Variants in SLC17A3 observed in about 807,000 individuals in gnomAD.
The protein encoded by SLC17A3 is solute carrier family 17 member 3.
Under a neutral mutation model 60.3 loss-of-function variants are expected in SLC17A3, and 61 were observed. The observed-to-expected ratio is 1.01, with a 90% CI of 0.82 to 1.25. SLC17A3 has a LOEUF of 1.25. Ranked by LOEUF, SLC17A3 falls within the 50% of genes most tolerant of loss-of-function variation. The probability of loss-of-function intolerance (pLI) is 0.00; values close to 1 mark genes in which losing one functional copy is unlikely to be tolerated. For synonymous variants in SLC17A3, 192 were observed against 208.9 expected (o/e 0.92, Z 0.70); for missense variants, 624 against 594.9 (o/e 1.05, Z -0.51).
At chr6:25,851,241 AT>A (rs35205418) in intron 6 of SLC17A3, among the ~76,000 whole-genome samples, 25,644 of 139,446 alleles carry the variant, frequency 0.18, 2,278 homozygotes, top group African/African-American at 0.24. Flanking sequence ...TCTTTGCCCA[AT>A]TTTTTTTTTT....
At chr6:25,870,153 C>T (rs62394296) in intron 1 of SLC17A3, among the ~76,000 whole-genome samples, 13,560 of 151,900 alleles carry the variant, frequency 0.089, 769 homozygotes, top group Non-Finnish European at 0.12. Flanking sequence ...ATACCTGGAT[C>T]GTATGATAAG....
intron 1 of SLC17A3, among the ~76,000 whole-genome samples, chr6:25,870,723 C>T (rs1164848700): frequency 1.3e-5 from 2 of 152,020 alleles, no homozygotes; most frequent in African/African-American, 4.8e-5. Context: ...GCCCCTACAA[C>T]ATGGACTCAT....
intron 5 of SLC17A3, among the ~76,000 whole-genome samples, chr6:25,857,882 C>G (rs1026482458): frequency 1.3e-5 from 2 of 152,142 alleles, no homozygotes; most frequent in Non-Finnish European, 2.9e-5. Context: ...CCTTCTTGTC[C>G]TCTGGACCCC....
chr6:25,869,822 T>C (rs988585533), intron 1 of SLC17A3, among the ~76,000 whole-genome samples: 11 of 152,040 alleles, frequency 7.2e-5, no homozygotes, highest in Non-Finnish European at 1.2e-4. Flanking sequence ...AGATGAGATC[T>C]GGGTGGGGAC....
intron 11 of SLC17A3, among the ~76,000 whole-genome samples, chr6:25,846,451 A>T (rs1416581794): frequency 6.6e-6 from 1 of 152,246 alleles, no homozygotes; most frequent in African/African-American, 2.4e-5. Context: ...GATGGATGAA[A>T]TAAGCTAGGG....
intron 10 of SLC17A3, 75 bp downstream of exon 10, chr6:25,849,730 T>C (rs1271900721): frequency 2.3e-5 from 35 of 1,528,036 alleles, no homozygotes; most frequent in Non-Finnish European, 2.8e-5. Context: ...TTTCCTAAGT[T>C]TGGGGATCCC....
At chr6:25,845,632 C>T (rs1765162742) in intron 11 of SLC17A3, 116 bp from the exon 12 acceptor site, 20 of 1,201,130 alleles carry the variant, frequency 1.7e-5, no homozygotes, top group East Asian at 2.5e-5. Flanking sequence ...AAATTCATTT[C>T]CTGAAAGTGG....
Position 25,873,386 on chromosome 6 carries a change from T to C in SLC17A3, c.-34+781A>G, listed in dbSNP as rs754389305. 5.9e-5 allele frequency among the ~76,000 whole-genome samples: 9 copies of C among 152,122 alleles called. No individual in the cohort carries two copies. In the East Asian group the frequency reaches 1.2e-3, roughly 20 times the overall value. ...AAAGCAGTGTTCATAGAGAACCACA[T>C]TGAGGATCAGCTTTCAGTAGAGATG... is the stretch of plus-strand genomic sequence containing the variant. On this transcript the variant is annotated intron_variant, in intron 1 of 12. Coordinates refer to ENST00000397060, the MANE Select transcript of SLC17A3 (RefSeq NM_001098486.2).
chr6:25,857,740 A>C (rs1765382608), intron 5 of SLC17A3, among the ~76,000 whole-genome samples: 1 of 152,158 alleles, frequency 6.6e-6, no homozygotes, highest in South Asian at 2.1e-4. Context: ...CCACAGATAC[A>C]TGGAGATGGA....
At chr6:25,867,039 G>C (rs1428250974) in intron 2 of SLC17A3, among the ~76,000 whole-genome samples, 2 of 151,850 alleles carry the variant, frequency 1.3e-5, no homozygotes, top group Non-Finnish European at 2.9e-5. Flanking sequence ...CCAAACTCTT[G>C]AGCCCTACCA....
At chr6:25,867,211 A>G (rs748618487) in intron 2 of SLC17A3, among the ~76,000 whole-genome samples, 1 of 151,974 alleles carries the variant, frequency 6.6e-6, no homozygotes, top group African/African-American at 2.4e-5. Context: ...TTTTTTGGCT[A>G]AGAGCTAATT....
At chr6:25,861,115 G>T (rs1179522049) in intron 5 of SLC17A3, among the ~76,000 whole-genome samples, 2 of 152,098 alleles carry the variant, frequency 1.3e-5, no homozygotes, top group Non-Finnish European at 2.9e-5. Flanking sequence ...GTATAACTTA[G>T]ACTTCTTCCT....
intron 6 of SLC17A3, among the ~76,000 whole-genome samples, chr6:25,851,916 A>T (rs1459969876): frequency 6.6e-6 from 1 of 152,134 alleles, no homozygotes; most frequent in Non-Finnish European, 1.5e-5. Flanking sequence ...TTCAGTGCAC[A>T]GCCCTCACAT....
At position 25,850,115 on chromosome 6, in the gene SLC17A3, A is replaced by G. The variant is rs1387219744; in HGVS notation, c.1056T>C (p.Tyr352=). Residue 352 remains tyrosine (Y), a synonymous_variant, in exon 9 of 13, where the codon TAT becomes TAC. Coordinates refer to ENST00000397060, the MANE Select transcript of SLC17A3 (RefSeq NM_001098486.2). ...TTTTGGTTAGAAGGAAATCTGCCAGATAGCCTCCCACCATGCCTATGACCC... is the reference window on the plus strand; with the variant it reads ...TTTTGGTTAGAAGGAAATCTGCCAGGTAGCCTCCCACCATGCCTATGACCC... The part of the protein sequence containing the change: ...VAWVIGMVGG[Y]LADFLLTKKF... 6.2e-7 allele frequency: 1 copy of G among 1,613,908 alleles called. No individual in the cohort carries two copies. The highest frequency in any genetic ancestry group is 1.1e-5 in the South Asian group (1 of 91,078).
chr6:25,857,207 G>A (rs556726917), intron 5 of SLC17A3, among the ~76,000 whole-genome samples: 13 of 151,616 alleles, frequency 8.6e-5, no homozygotes, highest in East Asian at 5.8e-4. Flanking sequence ...AAAAAGTAGA[G>A]TAAATAATAA....
chr6:25,856,662 A>G (rs1444449881), intron 5 of SLC17A3, among the ~76,000 whole-genome samples: 1 of 152,014 alleles, frequency 6.6e-6, no homozygotes, highest in Non-Finnish European at 1.5e-5. Flanking sequence ...CTTGGCCAAC[A>G]TGGTGAAATC....
At chr6:25,850,937 T>C in intron 6 of SLC17A3, 60 bp from the exon 7 acceptor site, 1 of 1,179,920 alleles carries the variant, frequency 8.5e-7, no homozygotes, top group Non-Finnish European at 1.3e-6. Flanking sequence ...GTGAACTTCT[T>C]TTATGTTGGG....
At chr6:25,864,922 G>A (rs1765511107) in intron 2 of SLC17A3, among the ~76,000 whole-genome samples, 1 of 151,922 alleles carries the variant, frequency 6.6e-6, no homozygotes, top group Non-Finnish European at 1.5e-5. Flanking sequence ...ACAAACAAAG[G>A]AAAGTGAAAA....
chr6:25,850,747 CT>C lies in SLC17A3; in HGVS notation c.831+11del. The C allele has an allele frequency of 6.2e-7, 1 of 1,610,402 alleles. No homozygotes were observed. The highest frequency in any genetic ancestry group is 1.1e-5 in the South Asian group (1 of 90,988). Reference sequence around the variant, plus strand: ...CAAGGTCTCAGAAAAGTGTTGGTGTCTTTATATGTACCTGTTGTTTCAAGGA... The same window carrying C: ...CAAGGTCTCAGAAAAGTGTTGGTGTCTTATATGTACCTGTTGTTTCAAGGA... On this transcript the variant is annotated intron_variant, in intron 7 of 12. Transcript: ENST00000397060.
Sources: allele counts gnomAD v4.1 joint callset (sites outside exome capture counted in the v4.1 genomes callset), GRCh38; gene constraint gnomAD v4.1.1; transcripts MANE v1.5; gene names NCBI Gene and HGNC (gene_info 2026-07-23, HGNC 2026-07-21).